The following OR56A3 variants were observed in gnomAD, a reference collection of about 807,000 sequenced individuals.
The protein encoded by OR56A3 is olfactory receptor family 56 subfamily A member 3, also known as olfactory receptor 56A3.
OR56A3 carries 23 observed loss-of-function variants against 17.5 expected under a neutral mutation model. The observed-to-expected ratio is 1.32, with a 90% confidence interval of 0.95 to 1.87. The LOEUF (loss-of-function observed/expected upper bound fraction) is 1.87, where lower values mean the gene tolerates loss of function less well. Among genes scored for constraint, OR56A3 ranks in the 40% most tolerant of loss-of-function variants. The probability of loss-of-function intolerance (pLI) is 0.00; values close to 1 mark genes in which losing one functional copy is unlikely to be tolerated. For missense variants in OR56A3, 366 were observed against 380.1 expected (o/e 0.96, Z 0.31); for synonymous variants, 175 against 150.6 (o/e 1.16, Z -1.19).
the OR56A3 span, chr11:6,002,682 A>C: frequency 6.2e-7 from 1 of 1,614,266 alleles, no homozygotes. Flanking sequence ...CATGATGAAC[A>C]TCTGGAGGAA....
At chr11:5,988,257 T>C in the OR56A3 span, among the ~76,000 whole-genome samples, 1 of 152,218 alleles carries the variant, frequency 6.6e-6, no homozygotes, top group Non-Finnish European at 1.5e-5. Context: ...TCTTCCTTTA[T>C]TCATCCATAA....
At chr11:6,006,269 G>A in the OR56A3 span, 1 of 152,146 alleles carries the variant, frequency 6.6e-6, no homozygotes, top group Non-Finnish European at 1.5e-5. Context: ...CTTAATAGCT[G>A]GAATGATTTT....
chr11:5,969,834 A>G, the OR56A3 span, among the ~76,000 whole-genome samples: 4 of 152,216 alleles, frequency 2.6e-5, no homozygotes, highest in Non-Finnish European at 1.5e-5. Flanking sequence ...CAGTAGTCCA[A>G]TTGAGAAGTG....
the OR56A3 span, among the ~76,000 whole-genome samples, chr11:5,983,423 T>C: frequency 6.6e-6 from 1 of 151,904 alleles, no homozygotes; most frequent in Non-Finnish European, 1.5e-5. Flanking sequence ...TGTTTTCCAA[T>C]TTAATTCTGT....
the OR56A3 span, chr11:5,994,121 C>T: frequency 4.0e-6 from 2 of 494,202 alleles, no homozygotes; most frequent in South Asian, 1.6e-5. Flanking sequence ...TAGGTCTCTG[C>T]CAGCTCCGAC....
intron 2 of OR56A3, among the ~76,000 whole-genome samples, chr11:5,946,451 G>T (rs1440331160): frequency 6.6e-6 from 1 of 152,186 alleles, no homozygotes; most frequent in Non-Finnish European, 1.5e-5. Context: ...CAGGAGAGAG[G>T]GAAATGTGTG....
the OR56A3 span, chr11:5,967,729 T>C: frequency 1.1e-5 from 18 of 1,611,642 alleles, no homozygotes; most frequent in Middle Eastern, 3.3e-4. Context: ...AGCAGGACTG[T>C]GGTGAAGAAG....
chr11:5,996,527 C>T, the OR56A3 span, among the ~76,000 whole-genome samples: 2 of 150,452 alleles, frequency 1.3e-5, no homozygotes, highest in African/African-American at 4.9e-5. Context: ...TTTTTAGAAC[C>T]AATGTGGCTA....
chr11:5,973,769 T>A, the OR56A3 span, among the ~76,000 whole-genome samples: 1 of 152,242 alleles, frequency 6.6e-6, no homozygotes, highest in Non-Finnish European at 1.5e-5. Flanking sequence ...CTAGTTCAAC[T>A]GAGCTTTCTG....
At chr11:5,965,430 G>C in the OR56A3 span, among the ~76,000 whole-genome samples, 1 of 152,116 alleles carries the variant, frequency 6.6e-6, no homozygotes, top group Non-Finnish European at 1.5e-5. Context: ...ATAAAAATCA[G>C]TGTTATCCCA....
At chr11:5,954,176 T>C (rs1360792442), downstream of OR56A3, among the ~76,000 whole-genome samples, 1 of 152,186 alleles carries the variant, frequency 6.6e-6, no homozygotes, top group African/African-American at 2.4e-5. Context: ...ATAAAGTGTG[T>C]GTGAGAACCA....
the OR56A3 span, chr11:6,001,977 T>A: frequency 7.0e-7 from 1 of 1,430,038 alleles, no homozygotes; most frequent in Non-Finnish European, 9.3e-7. Flanking sequence ...CTTTCCAACA[T>A]AAAATTAATT....
the OR56A3 span, chr11:5,986,071 G>A: frequency 2.5e-6 from 4 of 1,613,918 alleles, no homozygotes; most frequent in Non-Finnish European, 3.4e-6. Context: ...GACATGATGG[G>A]GTACATGATG....
chr11:5,971,505 T>C, the OR56A3 span, among the ~76,000 whole-genome samples: 5 of 152,302 alleles, frequency 3.3e-5, no homozygotes, highest in East Asian at 1.9e-4. Flanking sequence ...TGGAGAATTA[T>C]CTGATTCAAT....
At chr11:5,996,733 C>T in the OR56A3 span, among the ~76,000 whole-genome samples, 1 of 152,172 alleles carries the variant, frequency 6.6e-6, no homozygotes, top group Non-Finnish European at 1.5e-5. Flanking sequence ...TTATTTGTGG[C>T]CAGATTCCAA....
At chr11:5,991,157 A>G in the OR56A3 span, among the ~76,000 whole-genome samples, 1 of 152,252 alleles carries the variant, frequency 6.6e-6, no homozygotes, top group African/African-American at 2.4e-5. Context: ...GATATGAAAC[A>G]TGAGTACTAG....
At chr11:5,967,644 T>G in the OR56A3 span, 17 of 1,613,912 alleles carry the variant, frequency 1.1e-5, no homozygotes, top group Non-Finnish European at 1.4e-5. Flanking sequence ...GGGAATAAGG[T>G]GGTGCAGGAT....
chr11:6,008,797 A>G, the OR56A3 span, among the ~76,000 whole-genome samples: 2 of 152,100 alleles, frequency 1.3e-5, no homozygotes, highest in East Asian at 3.9e-4. Flanking sequence ...TTAGAGGGAG[A>G]CCAAAATGTA....
At chr11:5,974,395 G>A in the OR56A3 span, among the ~76,000 whole-genome samples, 8 of 152,058 alleles carry the variant, frequency 5.3e-5, no homozygotes, top group South Asian at 1.2e-3. Context: ...ATGAGCCACC[G>A]CACCTGGCCT....
Sources: gnomAD v4.1 joint callset for allele counts (sites outside exome capture counted in the v4.1 genomes callset) on GRCh38, gnomAD v4.1.1 for gene constraint, MANE v1.5 for transcripts, NCBI Gene and HGNC (gene_info 2026-07-23, HGNC 2026-07-21) for gene names.